PUDP: variants seen among roughly 807,000 people sequenced by gnomAD.
PUDP encodes the protein pseudouridine 5'-phosphatase.
In PUDP, 8 loss-of-function variants were observed where a neutral mutation model predicts 9.4. The ratio of observed to expected loss-of-function variants is 0.85; its 90% CI spans 0.50 to 1.53. The LOEUF is 1.53. PUDP is among the 40% of genes most tolerant of loss of function. PUDP has a pLI of 0.00. For synonymous variants in PUDP, 99 were observed against 80.7 expected (o/e 1.23, Z -1.22); for missense variants, 188 against 189.7 (o/e 0.99, Z 0.05).
chrX:6,726,632 T>G (rs1336293495), intron 3 of PUDP, among the ~76,000 whole-genome samples: 1 of 111,976 alleles, frequency 8.9e-6, no homozygotes, highest in East Asian at 2.8e-4. Context: ...TAACATTTTC[T>G]TCTTCTCAAG....
At chrX:6,888,187 T>C (rs1927457902) in intron 3 of PUDP, among the ~76,000 whole-genome samples, 1 of 111,258 alleles carries the variant, frequency 9.0e-6, no homozygotes, top group South Asian at 3.8e-4. Context: ...TTCCTGGAAG[T>C]TGCCACGCTG....
intron 1 of PUDP, among the ~76,000 whole-genome samples, chrX:6,717,715 T>A (rs937419226): frequency 2.7e-5 from 3 of 112,107 alleles, no homozygotes; most frequent in Non-Finnish European, 3.8e-5. Context: ...AGGGGAATTA[T>A]CTTCGGTGGA....
At chrX:7,136,807 G>A (rs753440446) in intron 1 of PUDP, among the ~76,000 whole-genome samples, 22 of 105,597 alleles carry the variant, frequency 2.1e-4, no homozygotes, top group African/African-American at 7.8e-4. Flanking sequence ...CTTAGGGCCT[G>A]TGTTCCTTTC....
At chrX:6,814,014 G>T (rs376206127) in intron 3 of PUDP, among the ~76,000 whole-genome samples, 36 of 110,858 alleles carry the variant, frequency 3.2e-4, no homozygotes, top group East Asian at 1.7e-3. Context: ...AGAAACATGG[G>T]AGGTGAGACA....
intron 1 of PUDP, among the ~76,000 whole-genome samples, chrX:7,017,459 C>G (rs1929567094): frequency 8.9e-6 from 1 of 112,429 alleles, no homozygotes; most frequent in Admixed American, 9.4e-5. Flanking sequence ...GAGCAAATTG[C>G]AAGTTCTTGG....
Position 6,976,358 on chromosome X carries a change from G to A in PUDP, c.*247+775C>T, listed in dbSNP as rs778711437. 8.0e-5 allele frequency among the ~76,000 whole-genome samples: 9 copies of A among 112,039 alleles called. No individual in the cohort carries two copies. The South Asian group carries it at 3.3e-3, about 42-fold the overall frequency. On this transcript the variant is annotated intron_variant and NMD_transcript_variant, in intron 3 of 3. Coordinates refer to the PUDP transcript ENST00000655425. ...GATACCGGAGGGAATCTCCTGGTCTGCGGGTTGCAAAGACCATGGGAAAAG... is the reference window on the plus strand; with the variant it reads ...GATACCGGAGGGAATCTCCTGGTCTACGGGTTGCAAAGACCATGGGAAAAG...
At chrX:6,963,888 C>T (rs1003243271) in intron 3 of PUDP, among the ~76,000 whole-genome samples, 1 of 112,345 alleles carries the variant, frequency 8.9e-6, no homozygotes, top group Non-Finnish European at 1.9e-5. Flanking sequence ...AAAGCCAGCA[C>T]TATAAAAAAC....
chrX:6,874,618 C>T (rs961975705), intron 3 of PUDP, among the ~76,000 whole-genome samples: 2 of 111,953 alleles, frequency 1.8e-5, no homozygotes, highest in African/African-American at 6.5e-5. Context: ...GAAGTTGTAC[C>T]ATGCTGGTGA....
chrX:7,070,100 C>T (rs1157500681), intron 3 of PUDP, among the ~76,000 whole-genome samples: 2 of 111,588 alleles, frequency 1.8e-5, no homozygotes, highest in Non-Finnish European at 3.8e-5. Flanking sequence ...ATCACTGCAC[C>T]TAAGAGGGTA....
rs186463155 is a variant in PUDP, at chrX:7,005,858, C to T, written c.205-27515G>A. On this transcript the variant is annotated intron_variant and NMD_transcript_variant, in intron 1 of 3. Transcript: ENST00000655425. ...TCCTCATTCTTCCTCCTCCCCACCC[C>T]GGGTAACCACTATTTCAGTGTCTCT... Among the ~76,000 whole-genome samples, 118 of 111,414 alleles carry T rather than the reference C, an allele frequency of 1.1e-3. 1 individual carries two copies. The highest frequency in any genetic ancestry group is 3.4e-3 in the African/African-American group (104 of 30,572).
intron 1 of PUDP, among the ~76,000 whole-genome samples, chrX:7,114,205 G>A (rs187214799): frequency 2.6e-4 from 29 of 111,688 alleles, no homozygotes; most frequent in African/African-American, 8.1e-4. Context: ...CTCCCGAGTA[G>A]CTGGGATTAC....
At chrX:7,137,085 C>CA (rs1399921326) in intron 1 of PUDP, among the ~76,000 whole-genome samples, 1 of 110,467 alleles carries the variant, frequency 9.1e-6, no homozygotes, top group African/African-American at 3.3e-5. Context: ...ACTAAAAATA[C>CA]AAAAAATTAG....
chrX:6,810,488 C>A (rs1926125524), intron 3 of PUDP, among the ~76,000 whole-genome samples: 1 of 111,753 alleles, frequency 8.9e-6, no homozygotes, highest in Non-Finnish European at 1.9e-5. Context: ...TTCACTGACA[C>A]AATTTTCCAA....
rs753977935 is a variant in PUDP at position 6,751,181 on chromosome X, A to AAAAGAAAG, written c.*248-44723_*248-44716dup. Reference sequence around the variant, plus strand: ...AAGAAAAAAGAAAGAAAGAAAGAAAAAAAGAAAGAAAGAAAGAAAGAAAAA... The same window carrying AAAAGAAAG: ...AAGAAAAAAGAAAGAAAGAAAGAAAAAAAGAAAGAAAGAAAGAAAGAAAGAAAGAAAAA... On this transcript the variant is annotated intron_variant and NMD_transcript_variant, in intron 3 of 3. Transcript: ENST00000655425. Among the ~76,000 whole-genome samples, 17 of 110,095 alleles carry AAAAGAAAG rather than the reference A, an allele frequency of 1.5e-4. 1 individual carries two copies. The highest frequency in any genetic ancestry group is 3.3e-5 in the African/African-American group (1 of 30,314).
chrX:6,957,472 A>G (rs1338632571), intron 3 of PUDP, among the ~76,000 whole-genome samples: 1 of 111,469 alleles, frequency 9.0e-6, no homozygotes, highest in Non-Finnish European at 1.9e-5. Flanking sequence ...GTGATAACAC[A>G]GTACAAAGTC....
At chrX:6,991,730 G>A (rs1255701039) in intron 1 of PUDP, among the ~76,000 whole-genome samples, 4 of 108,363 alleles carry the variant, frequency 3.7e-5, no homozygotes, top group African/African-American at 1.3e-4. Context: ...AAGATAACCT[G>A]CTAAGTCCCA....
At chrX:6,887,020 T>C (rs942929705) in intron 3 of PUDP, among the ~76,000 whole-genome samples, 7 of 106,421 alleles carry the variant, frequency 6.6e-5, no homozygotes, top group African/African-American at 2.4e-4. Context: ...AGATTACATA[T>C]ATTATATATC....
intron 3 of PUDP, among the ~76,000 whole-genome samples, chrX:6,822,295 T>G: frequency 8.9e-6 from 1 of 112,137 alleles, no homozygotes; most frequent in Non-Finnish European, 1.9e-5. Context: ...AGATGAAGAA[T>G]CTGAAGACAG....
intron 3 of PUDP, among the ~76,000 whole-genome samples, chrX:6,756,887 C>T (rs1968150837): frequency 8.9e-6 from 1 of 112,128 alleles, no homozygotes; most frequent in Admixed American, 9.4e-5. Context: ...TCTTAGGCTA[C>T]AGGAACAACA....
Sources: allele counts gnomAD v4.1 joint callset (sites outside exome capture counted in the v4.1 genomes callset), GRCh38; gene constraint gnomAD v4.1.1; transcripts MANE v1.5; gene names NCBI Gene and HGNC (gene_info 2026-07-23, HGNC 2026-07-21).